Variants in ESRRB observed in about 807,000 individuals in gnomAD.
ESRRB encodes estrogen related receptor beta.
Under a neutral mutation model 46.0 loss-of-function variants are expected in ESRRB, and 16 were observed. That is an observed-to-expected ratio of 0.35 (90% CI 0.24 to 0.53). The LOEUF is 0.53. Ranked by LOEUF, ESRRB falls within the 20% of genes least tolerant of loss-of-function variation. The pLI is 0.93. For missense variants in ESRRB, 488 were observed against 607.4 expected, an observed-to-expected ratio of 0.80 and a Z score of 2.07; for synonymous variants, 246 against 259.6, an observed-to-expected ratio of 0.95 and a Z score of 0.50.
intron 1 of ESRRB, among the ~76,000 whole-genome samples, chr14:76,424,981 C>T (rs964330193): frequency 1.3e-5 from 2 of 152,180 alleles, no homozygotes; most frequent in Admixed American, 1.3e-4. Context: ...AAGCGATCTG[C>T]CCGCCTCAGC....
rs10149733 is a variant in ESRRB at position 76,400,787 on chromosome 14, C to T, written c.50+24336C>T. ...ACTGTTTATATCCGCCATCCTCCAACGGGCAGGCTCCTATGGGTGGGGCTC... is the reference window on the plus strand; with the variant it reads ...ACTGTTTATATCCGCCATCCTCCAATGGGCAGGCTCCTATGGGTGGGGCTC... On this transcript the variant is annotated intron_variant, in intron 1 of 6. Transcript: ENST00000644823. Among the ~76,000 whole-genome samples, 1,188 of 152,330 alleles carry T rather than the reference C, an allele frequency of 7.8e-3. 16 individuals are homozygous for T. Among genetic ancestry groups the T allele is most frequent in the African/African-American group, 0.025 (1,049 of 41,568 alleles).
intron 1 of ESRRB, among the ~76,000 whole-genome samples, chr14:76,392,765 C>T (rs937324091): frequency 1.3e-5 from 2 of 152,208 alleles, no homozygotes; most frequent in Non-Finnish European, 2.9e-5. Context: ...AGGGTCAGGA[C>T]ATCTGGAAGA....
intron 5 of ESRRB, among the ~76,000 whole-genome samples, chr14:76,485,340 C>T (rs528629286): frequency 5.6e-4 from 82 of 147,092 alleles, no homozygotes; most frequent in African/African-American, 1.8e-3. Context: ...CAGGTTCAAG[C>T]GATTCTCTTG....
chr14:76,356,508 C>T (rs1205525783), intron 1 of ESRRB, among the ~76,000 whole-genome samples: 4 of 152,154 alleles, frequency 2.6e-5, no homozygotes, highest in East Asian at 1.9e-4. Context: ...GATGACAGAA[C>T]GAACATTGTC....
chr14:76,487,496 ATTAG>A (rs1890063855), intron 5 of ESRRB, among the ~76,000 whole-genome samples: 1 of 151,036 alleles, frequency 6.6e-6, no homozygotes, highest in Admixed American at 6.6e-5. Flanking sequence ...CATGTATTAC[ATTAG>A]TTACCTTTTT....
At chr14:76,458,585 C>A (rs1888719525) in intron 2 of ESRRB, among the ~76,000 whole-genome samples, 2 of 152,178 alleles carry the variant, frequency 1.3e-5, no homozygotes, top group South Asian at 4.1e-4. Flanking sequence ...GCTCTGCACA[C>A]ACACTTCCTG....
chr14:76,361,570 A>G (rs1392617778), intron 1 of ESRRB, among the ~76,000 whole-genome samples: 2 of 152,200 alleles, frequency 1.3e-5, no homozygotes, highest in Non-Finnish European at 2.9e-5. Flanking sequence ...AGAAGGGAAG[A>G]TTTCCAAGGC....
At chr14:76,331,791 C>T (rs752222562) in intron 1 of ESRRB, among the ~76,000 whole-genome samples, 5 of 151,722 alleles carry the variant, frequency 3.3e-5, no homozygotes, top group Non-Finnish European at 5.9e-5. Context: ...GGCCCTGTGG[C>T]AGCATTCTGG....
chr14:76,418,987 A>G (rs1886826910), intron 1 of ESRRB, among the ~76,000 whole-genome samples: 1 of 148,744 alleles, frequency 6.7e-6, no homozygotes, highest in Non-Finnish European at 1.5e-5. Context: ...ATCTATTTTT[A>G]TCTGGAATCA....
chr14:76,489,756 G>C lies in ESRRB; in HGVS notation c.851-1691G>C, dbSNP rs1180108012. Among the ~76,000 whole-genome samples, 4 of 152,264 alleles carry C rather than the reference G, an allele frequency of 2.6e-5. No individual in the cohort carries two copies. In the South Asian group the frequency reaches 6.2e-4, roughly 24 times the overall value. On this transcript the variant is annotated intron_variant, in intron 5 of 6. Coordinates refer to ENST00000644823, the MANE Select transcript of ESRRB (RefSeq NM_001379180.1). ...TGCCATGCCCTGTGTGGAAGCCAGG[G>C]AAGAAGTGGCATTTGGAGACAGGAC...
In ESRRB at chr14:76,439,361, C is replaced by T. The variant is rs766123138; in HGVS notation, c.71C>T (p.Ser24Leu). ...YHNQLLNRMSSDDRHLGSSCG... is the reference protein window; with the variant it reads ...YHNQLLNRMSLDDRHLGSSCG... The stretch of plus-strand genomic sequence containing the variant: ...CACAGGCTGCTGAACAGGATGTCCT[C>T]GGACGACAGGCACCTGGGCTCCAGC... The change falls in exon 2 of 7, where the codon TCG becomes TTG. Residue 24 changes from serine (S) to leucine (L), a missense_variant. Ser to Leu is a moderately radical substitution (Grantham distance 145, BLOSUM62 -2). Transcript: ENST00000644823. The T allele has an allele frequency of 4.3e-6, 7 of 1,613,670 alleles. No individual in the cohort carries two copies. Among genetic ancestry groups the T allele is most frequent in the East Asian group, 2.2e-5 (1 of 44,866 alleles).
At chr14:76,398,929 A>T (rs1237522922) in intron 1 of ESRRB, among the ~76,000 whole-genome samples, 2 of 152,156 alleles carry the variant, frequency 1.3e-5, no homozygotes, top group Admixed American at 6.5e-5. Flanking sequence ...CTGTCTGCTG[A>T]GGGGACTGTA....
At chr14:76,465,397 G>A (rs150662465) in intron 3 of ESRRB, among the ~76,000 whole-genome samples, 26 of 152,308 alleles carry the variant, frequency 1.7e-4, no homozygotes, top group African/African-American at 5.8e-4. Flanking sequence ...CTTTCTAGTG[G>A]CTTCCCAGAA....
chr14:76,497,192 G>A (rs1288706831), intron 6 of ESRRB, among the ~76,000 whole-genome samples: 2 of 152,038 alleles, frequency 1.3e-5, no homozygotes, highest in Non-Finnish European at 2.9e-5. Context: ...TCTCCCACCT[G>A]ATGACGAAGG....
chr14:76,485,025 A>G (rs1369938708), intron 5 of ESRRB, among the ~76,000 whole-genome samples: 2 of 152,150 alleles, frequency 1.3e-5, no homozygotes, highest in African/African-American at 4.8e-5. Context: ...CCTTGTCCAA[A>G]GCCGGATTCT....
chr14:76,486,246 C>G (rs983123089), intron 5 of ESRRB, among the ~76,000 whole-genome samples: 1 of 152,202 alleles, frequency 6.6e-6, no homozygotes, highest in African/African-American at 2.4e-5. Flanking sequence ...TCCTGCCTCC[C>G]TCGGCAGCCT....
In ESRRB at chr14:76,482,588, G is replaced by A. The variant is rs534216019; in HGVS notation, c.689-10G>A. 140 of 1,614,054 alleles carry A rather than the reference G, an allele frequency of 8.7e-5. No individual in the cohort carries two copies. The highest frequency in any genetic ancestry group is 1.1e-4 in the Non-Finnish European group (131 of 1,180,012). On this transcript the variant is annotated splice_polypyrimidine_tract_variant and intron_variant, in intron 4 of 6. Transcript: ENST00000644823. This position sits in a 1 kb window ranked among gnomAD's most constrained non-coding sequence, Gnocchi z 4.3. ...CCCAGCATTTACCTTTCCCTCTTTGGTTGTTGCAGTGACCAAGATTGTCTC... is the reference window on the plus strand; with the variant it reads ...CCCAGCATTTACCTTTCCCTCTTTGATTGTTGCAGTGACCAAGATTGTCTC...
upstream of ESRRB, among the ~76,000 whole-genome samples, chr14:76,368,126 CT>C (rs751709764): frequency 0.12 from 14,746 of 124,088 alleles, 666 homozygotes; most frequent in East Asian, 0.2. Flanking sequence ...CTAATTTTTC[CT>C]TTTTTTTTTT....
At chr14:76,355,032 G>A (rs185639168) in intron 1 of ESRRB, among the ~76,000 whole-genome samples, 212 of 152,182 alleles carry the variant, frequency 1.4e-3, no homozygotes, top group African/African-American at 4.8e-3. Context: ...TTATCTGCAC[G>A]GGCCAAGGAG....
Sources: gnomAD v4.1 joint callset for allele counts (sites outside exome capture counted in the v4.1 genomes callset) on GRCh38, gnomAD v4.1.1 for gene constraint, Gnocchi (gnomAD v3.1) non-coding constraint, MANE v1.5 for transcripts, NCBI Gene and HGNC (gene_info 2026-07-23, HGNC 2026-07-21) for gene names.